Variants in BAIAP2L1 observed in about 807,000 individuals in gnomAD.
BAIAP2L1 encodes the protein BAR/IMD domain containing adaptor protein 2 like 1.
In BAIAP2L1, 35 loss-of-function variants were observed where a neutral mutation model predicts 66.3. The observed-to-expected ratio is 0.53, with a 90% CI of 0.40 to 0.70. The LOEUF (loss-of-function observed/expected upper bound fraction) is 0.70. Among genes scored for constraint, BAIAP2L1 ranks in the 30% least tolerant of loss-of-function variants. BAIAP2L1 has a pLI of 0.00. For missense variants in BAIAP2L1, 622 were observed against 656.9 expected (o/e 0.95, Z 0.58); for synonymous variants, 269 against 248.7 (o/e 1.08, Z -0.77).
intron 3 of BAIAP2L1, among the ~76,000 whole-genome samples, chr7:98,349,926 G>A (rs6967934): frequency 0.38 from 58,177 of 151,644 alleles, 12,545 homozygotes; most frequent in Middle Eastern, 0.56. Context: ...GCATGGTGGC[G>A]CATGCCTGTA....
chr7:98,312,053 A>G, intron 8 of BAIAP2L1, 44 bp downstream of exon 8: 1 of 1,544,334 alleles, frequency 6.5e-7, no homozygotes, highest in Non-Finnish European at 8.7e-7. Flanking sequence ...AGATCAAGTT[A>G]GGAAACACAC....
At chr7:98,354,080 T>C (rs1802067256) in intron 3 of BAIAP2L1, among the ~76,000 whole-genome samples, 2 of 152,152 alleles carry the variant, frequency 1.3e-5, no homozygotes, top group Admixed American at 1.3e-4. Context: ...TTCCAGCATA[T>C]GGTCTACCGT....
intron 3 of BAIAP2L1, among the ~76,000 whole-genome samples, chr7:98,327,125 C>T (rs1801394562): frequency 6.6e-6 from 1 of 152,128 alleles, no homozygotes; most frequent in African/African-American, 2.4e-5. Context: ...CTCTGGGAGG[C>T]CAAGGCAGAT....
chr7:98,295,040 C>T (rs1278396621), intron 12 of BAIAP2L1, among the ~76,000 whole-genome samples: 1 of 152,218 alleles, frequency 6.6e-6, no homozygotes, highest in Non-Finnish European at 1.5e-5. Context: ...GCCTGTGGCC[C>T]GGCCACACCG....
At chr7:98,374,303 A>G (rs1416499358) in intron 1 of BAIAP2L1, among the ~76,000 whole-genome samples, 2 of 152,164 alleles carry the variant, frequency 1.3e-5, no homozygotes, top group African/African-American at 4.8e-5. Flanking sequence ...TAACATTTAC[A>G]GAGGGCTACT....
chr7:98,394,703 T>C (rs573574713), intron 1 of BAIAP2L1, among the ~76,000 whole-genome samples: 59 of 152,298 alleles, frequency 3.9e-4, no homozygotes, highest in African/African-American at 1.3e-3. Flanking sequence ...TTTGAATGTC[T>C]AATACTCAGC....
intron 8 of BAIAP2L1, among the ~76,000 whole-genome samples, chr7:98,311,253 A>G (rs1800856466): frequency 6.6e-6 from 1 of 152,070 alleles, no homozygotes; most frequent in Non-Finnish European, 1.5e-5. Context: ...AAATAAAAAC[A>G]GTAAGTATGG....
intron 3 of BAIAP2L1, among the ~76,000 whole-genome samples, chr7:98,339,081 A>AG (rs1801678407): frequency 6.6e-6 from 1 of 151,918 alleles, no homozygotes; most frequent in African/African-American, 2.4e-5. Flanking sequence ...TTTAAAAAAA[A>AG]AAAAAAAAAA....
intron 5 of BAIAP2L1, among the ~76,000 whole-genome samples, chr7:98,318,799 C>T (rs1377932129): frequency 6.6e-6 from 1 of 151,424 alleles, no homozygotes; most frequent in African/African-American, 2.4e-5. Flanking sequence ...CAAAAATTAG[C>T]CGGGTGCAGT....
intron 1 of BAIAP2L1, among the ~76,000 whole-genome samples, chr7:98,397,973 T>C (rs986802435): frequency 6.6e-6 from 1 of 152,230 alleles, no homozygotes; most frequent in Admixed American, 6.5e-5. Flanking sequence ...GTACACAGCA[T>C]ATATTTAAGG....
intron 8 of BAIAP2L1, 29 bp from the exon 9 acceptor site, chr7:98,310,621 T>G: frequency 6.5e-7 from 1 of 1,530,778 alleles, no homozygotes; most frequent in Non-Finnish European, 8.8e-7. Context: ...TAGTCCAATA[T>G]TAGTATAGTG....
At chr7:98,293,862 A>G (rs1360217499) in intron 13 of BAIAP2L1, among the ~76,000 whole-genome samples, 3 of 152,200 alleles carry the variant, frequency 2.0e-5, no homozygotes, top group African/African-American at 7.2e-5. Flanking sequence ...TGTGTGTGAC[A>G]TGGGGGTCAC....
At position 98,304,865 on chromosome 7, in the gene BAIAP2L1, A is replaced by T. The variant is rs1021205673; in HGVS notation, c.1242-489T>A. On this transcript the variant is annotated intron_variant, in intron 11 of 13. Coordinates refer to ENST00000005260, the MANE Select transcript of BAIAP2L1 (RefSeq NM_018842.5). ...GTTTCTAAACATATCCTCACAAGAA[A>T]TTTTTTTTTTTTTTTTTGAGATGGG... Among the ~76,000 whole-genome samples the T allele has an allele frequency of 8.8e-5, 12 of 136,318 alleles. 1 individual carries two copies. Among genetic ancestry groups the T allele is most frequent in the African/African-American group, 3.3e-4 (12 of 36,792 alleles). 89.4% of individuals were successfully genotyped at this position (136,318 alleles called of 152,430 possible).
intron 1 of BAIAP2L1, among the ~76,000 whole-genome samples, chr7:98,376,725 G>A (rs536805828): frequency 6.6e-6 from 1 of 151,226 alleles, no homozygotes; most frequent in Non-Finnish European, 1.5e-5. Context: ...TCAGCTACTC[G>A]GGGGGCTGAG....
At position 98,292,594 on chromosome 7, in the gene BAIAP2L1, C is replaced by T. The variant is rs764668270; in HGVS notation, c.*927G>A. ...ACATCCATACCATAGGGCCAGGTTC[C>T]GAGGGCATCATGGCTGCTAGGCTGA... On this transcript the variant is annotated 3_prime_UTR_variant, in exon 14 of 14. Transcript: ENST00000005260. 1.2e-4 allele frequency: 184 copies of T among 1,539,440 alleles called. No homozygotes were observed. The highest frequency in any genetic ancestry group is 1.7e-4 in the Middle Eastern group (1 of 5,998).
chr7:98,370,071 C>A (rs946065153), intron 1 of BAIAP2L1, among the ~76,000 whole-genome samples: 2 of 151,918 alleles, frequency 1.3e-5, no homozygotes, highest in East Asian at 3.9e-4. Context: ...TAACACCATA[C>A]ACAAATCCCT....
chr7:98,299,750 A>G (rs1212852628), intron 12 of BAIAP2L1, among the ~76,000 whole-genome samples: 1 of 152,138 alleles, frequency 6.6e-6, no homozygotes, highest in Non-Finnish European at 1.5e-5. Context: ...GGCTACTTAA[A>G]ATAAAATTTG....
rs138564547 is a variant in BAIAP2L1 at position 98,306,498 on chromosome 7, C to T, written c.1182G>A (p.Ser394=). ...TTTCTTCCAGCAACTTCGTGTACGACGACGGGAACCAACCCCTCCTACCGG... is the reference window on the plus strand; with the variant it reads ...TTTCTTCCAGCAACTTCGTGTACGATGACGGGAACCAACCCCTCCTACCGG... ...DVSKARGWFP[S]SYTKLLEENE... The change falls in exon 11 of 14, where the codon TCG becomes TCA. Residue 394 remains serine (S), a synonymous_variant. Transcript: ENST00000005260. The T allele has an allele frequency of 1.7e-5, 27 of 1,614,010 alleles. No individual in the cohort carries two copies. Among genetic ancestry groups the T allele is most frequent in the East Asian group, 8.9e-5 (4 of 44,884 alleles).
At chr7:98,349,301 G>A (rs1433636591) in intron 3 of BAIAP2L1, among the ~76,000 whole-genome samples, 1 of 152,234 alleles carries the variant, frequency 6.6e-6, no homozygotes, top group African/African-American at 2.4e-5. Context: ...TGCCCGGCAC[G>A]CGGTGGACAC....
Sources: allele counts gnomAD v4.1 joint callset (sites outside exome capture counted in the v4.1 genomes callset), GRCh38; gene constraint gnomAD v4.1.1; transcripts MANE v1.5; gene names NCBI Gene and HGNC (gene_info 2026-07-23, HGNC 2026-07-21).